The following PLEKHG1 variants were observed in gnomAD, a reference collection of about 807,000 sequenced individuals.
PLEKHG1 encodes the protein pleckstrin homology domain-containing family G member 1.
PLEKHG1 carries 44 observed loss-of-function variants against 100.8 expected under a neutral mutation model. The observed-to-expected ratio is 0.44, with a 90% CI of 0.34 to 0.56. The LOEUF (loss-of-function observed/expected upper bound fraction) is 0.56. Ranked by LOEUF, PLEKHG1 falls within the 20% of genes least tolerant of loss-of-function variation. The probability of loss-of-function intolerance (pLI) is 0.01; values close to 1 mark genes in which losing one functional copy is unlikely to be tolerated. For missense variants in PLEKHG1, 1,545 were observed against 1,720.9 expected (o/e 0.90, Z 1.81); for synonymous variants, 640 against 662.5 (o/e 0.97, Z 0.52).
At chr6:150,807,743 T>C (rs1347977638) in intron 7 of PLEKHG1, among the ~76,000 whole-genome samples, 1 of 152,072 alleles carries the variant, frequency 6.6e-6, no homozygotes, top group African/African-American at 2.4e-5. Context: ...GGAGGCCAAG[T>C]GGATCACCCG....
chr6:150,666,901 C>T (rs934013161), intron 3 of PLEKHG1, among the ~76,000 whole-genome samples: 7 of 152,008 alleles, frequency 4.6e-5, no homozygotes, highest in African/African-American at 1.7e-4. Context: ...GCTGGGACTA[C>T]AGGTGCCCAC....
chr6:150,810,035 C>T (rs1316450579), intron 10 of PLEKHG1, among the ~76,000 whole-genome samples: 3 of 152,044 alleles, frequency 2.0e-5, no homozygotes, highest in Admixed American at 2.0e-4. Context: ...GTGGCTCATG[C>T]CTGTAATCCC....
chr6:150,817,380 G>T (rs1776029516), intron 10 of PLEKHG1, among the ~76,000 whole-genome samples: 1 of 152,118 alleles, frequency 6.6e-6, no homozygotes, highest in African/African-American at 2.4e-5. Flanking sequence ...GATAATCACA[G>T]CATTCTGCAG....
upstream of PLEKHG1, among the ~76,000 whole-genome samples, chr6:150,720,755 T>G (rs1419687405): frequency 2.0e-5 from 3 of 152,134 alleles, no homozygotes; most frequent in African/African-American, 7.2e-5. Context: ...GCTCCAAAGA[T>G]CTTGCTTATT....
At chr6:150,732,713 G>T (rs1180041032) in intron 1 of PLEKHG1, among the ~76,000 whole-genome samples, 1 of 152,194 alleles carries the variant, frequency 6.6e-6, no homozygotes, top group Non-Finnish European at 1.5e-5. Context: ...TGCCTCCCGG[G>T]TTCAAGCAAT....
At chr6:150,732,139 T>A (rs1454701634) in intron 1 of PLEKHG1, among the ~76,000 whole-genome samples, 4 of 151,688 alleles carry the variant, frequency 2.6e-5, no homozygotes, top group African/African-American at 9.7e-5. Context: ...TTTTTTTGTA[T>A]TTTTTTTAGT....
intron 1 of PLEKHG1, among the ~76,000 whole-genome samples, chr6:150,726,546 G>T (rs542948722): frequency 2.8e-4 from 43 of 152,238 alleles, no homozygotes; most frequent in African/African-American, 8.9e-4. Context: ...CTTTCATCCA[G>T]CTTCCCCTAA....
At chr6:150,647,190 A>T (rs549406904) in intron 2 of PLEKHG1, among the ~76,000 whole-genome samples, 1 of 152,248 alleles carries the variant, frequency 6.6e-6, no homozygotes, top group Non-Finnish European at 1.5e-5. Context: ...TGTTTAAGCC[A>T]TGCCTAACTC....
intron 2 of PLEKHG1, among the ~76,000 whole-genome samples, chr6:150,758,554 C>T (rs959387031): frequency 4.6e-5 from 7 of 152,138 alleles, no homozygotes; most frequent in Admixed American, 6.5e-5. Context: ...AGGCTGGTCT[C>T]AAACTCCTGA....
At chr6:150,826,853 G>A (rs114338370) in intron 14 of PLEKHG1, among the ~76,000 whole-genome samples, 1 of 151,966 alleles carries the variant, frequency 6.6e-6, no homozygotes, top group Non-Finnish European at 1.5e-5. Flanking sequence ...TGCTCAGGCT[G>A]GTCTTAAACT....
chr6:150,841,751 C>A (rs1213479585), exon 16 of PLEKHG1: 2 of 152,210 alleles, frequency 1.3e-5, no homozygotes, highest in African/African-American at 2.4e-5. Flanking sequence ...GAAATCCCAC[C>A]AGACCATTTT....
At chr6:150,602,071 G>A (rs772272169) in intron 1 of PLEKHG1, among the ~76,000 whole-genome samples, 5 of 152,332 alleles carry the variant, frequency 3.3e-5, no homozygotes, top group Non-Finnish European at 5.9e-5. Context: ...CCCCTTTGCG[G>A]ATATGATTTT....
intron 1 of PLEKHG1, among the ~76,000 whole-genome samples, chr6:150,623,550 G>A (rs1284886899): frequency 6.6e-6 from 1 of 152,194 alleles, no homozygotes; most frequent in African/African-American, 2.4e-5. Context: ...AGTAGTAGAA[G>A]CAGAACTAGA....
rs1338066744 is a variant in PLEKHG1, at chr6:150,831,048, T to G, written c.1937T>G (p.Phe646Cys). Residue 646 changes from phenylalanine (F) to cysteine (C), a missense_variant, in exon 15 of 16, where the codon TTT becomes TGT. Phe to Cys is a radical substitution (Grantham distance 205). Transcript: ENST00000358517. The surrounding 1 kb of genome is among the most constrained non-coding windows in gnomAD (Gnocchi z 4.1). ...GAAGGGCAGGAGGAGATGACTCCCT[T>G]TGGGTCATCCATAGAGTTGACTATT... 6.2e-7 allele frequency: 1 copy of G among 1,613,358 alleles called. No individual in the cohort carries two copies. Among genetic ancestry groups the G allele is most frequent in the Middle Eastern group, 1.7e-4 (1 of 6,060 alleles).
At chr6:150,677,169 A>C (rs1779785104) in intron 3 of PLEKHG1, among the ~76,000 whole-genome samples, 1 of 152,152 alleles carries the variant, frequency 6.6e-6, no homozygotes, top group Non-Finnish European at 1.5e-5. Flanking sequence ...GATCTGATTG[A>C]TTATGGTACT....
intron 1 of PLEKHG1, among the ~76,000 whole-genome samples, chr6:150,731,323 ACT>A (rs1385077601): frequency 1.3e-5 from 2 of 151,670 alleles, no homozygotes; most frequent in South Asian, 2.1e-4. Flanking sequence ...TGTGTGGCAA[ACT>A]CTAGCATGTG....
At chr6:150,818,942 CA>C (rs1776139982) in intron 11 of PLEKHG1, among the ~76,000 whole-genome samples, 1 of 152,108 alleles carries the variant, frequency 6.6e-6, no homozygotes, top group African/African-American at 2.4e-5. Flanking sequence ...GTTAACTCCC[CA>C]GGGGGAAAAG....
intron 1 of PLEKHG1, among the ~76,000 whole-genome samples, chr6:150,628,975 TGA>T (rs1338728952): frequency 6.6e-6 from 1 of 152,088 alleles, no homozygotes; most frequent in Admixed American, 6.5e-5. Flanking sequence ...GGGGACCTGA[TGA>T]GAGAGAAGAA....
At chr6:150,615,156 C>T (rs1374074389) in intron 1 of PLEKHG1, among the ~76,000 whole-genome samples, 1 of 152,212 alleles carries the variant, frequency 6.6e-6, no homozygotes, top group Non-Finnish European at 1.5e-5. Flanking sequence ...TTTTTCCTCT[C>T]TGGCATTCAT....
Sources: gnomAD v4.1 joint callset for allele counts (sites outside exome capture counted in the v4.1 genomes callset) on GRCh38, gnomAD v4.1.1 for gene constraint, Gnocchi (gnomAD v3.1) non-coding constraint, MANE v1.5 for transcripts, NCBI Gene and HGNC (gene_info 2026-07-23, HGNC 2026-07-21) for gene names.